Variants in C3orf52 observed in about 807,000 individuals in gnomAD.
C3orf52 encodes chromosome 3 open reading frame 52.
In C3orf52, 22 loss-of-function variants were observed where a neutral mutation model predicts 24.8. The ratio of observed to expected loss-of-function variants is 0.89; its 90% CI spans 0.63 to 1.27. The LOEUF (loss-of-function observed/expected upper bound fraction) is 1.27, where lower values mean the gene tolerates loss of function less well. Ranked by LOEUF, C3orf52 falls within the 50% of genes most tolerant of loss-of-function variation. The pLI is 0.00. For missense variants in C3orf52, 265 were observed against 260.7 expected (o/e 1.02, Z -0.11); for synonymous variants, 93 against 100.2 (o/e 0.93, Z 0.43).
chr3:112,134,584 A>C (rs534673948), downstream of C3orf52: 68 of 152,340 alleles, frequency 4.5e-4, no homozygotes, highest in African/African-American at 1.6e-3. Flanking sequence ...GCAATTTCTT[A>C]TAAAATTGAA....
intron 4 of C3orf52, among the ~76,000 whole-genome samples, chr3:112,126,705 G>A (rs2074328006): frequency 6.6e-6 from 1 of 152,086 alleles, no homozygotes; most frequent in African/African-American, 2.4e-5. Flanking sequence ...TTTCTTGTAA[G>A]TGCCTTTCTC....
chr3:112,104,742 C>T (rs930134588), intron 3 of C3orf52, among the ~76,000 whole-genome samples: 3 of 152,020 alleles, frequency 2.0e-5, no homozygotes, highest in East Asian at 1.9e-4. Context: ...ACCCATTACC[C>T]GAGCAGTGTA....
At chr3:112,116,115 C>T (rs965762433) in intron 5 of C3orf52, among the ~76,000 whole-genome samples, 2 of 151,980 alleles carry the variant, frequency 1.3e-5, no homozygotes, top group African/African-American at 4.8e-5. Flanking sequence ...AGGAAAAAGC[C>T]CCAGGTAGGG....
downstream of C3orf52, chr3:112,122,006 T>TGGG (rs2074210293): frequency 6.6e-6 from 1 of 152,214 alleles, no homozygotes; most frequent in Admixed American, 6.5e-5. Context: ...TCCCTAAAAT[T>TGGG]AGGACAGTAG....
At chr3:112,115,226 G>C (rs563531668) in intron 5 of C3orf52, among the ~76,000 whole-genome samples, 6 of 152,310 alleles carry the variant, frequency 3.9e-5, no homozygotes, top group Admixed American at 3.9e-4. Context: ...CCCTCTCAAA[G>C]GGAAGGGTGC....
chr3:112,101,696 G>C (rs954485498), intron 2 of C3orf52, among the ~76,000 whole-genome samples: 1 of 152,260 alleles, frequency 6.6e-6, no homozygotes, highest in Non-Finnish European at 1.5e-5. Context: ...ATAAGTAACC[G>C]GAATACCAGG....
intron 1 of C3orf52, among the ~76,000 whole-genome samples, chr3:112,092,157 A>G (rs2073884516): frequency 6.6e-6 from 1 of 152,152 alleles, no homozygotes; most frequent in African/African-American, 2.4e-5. Context: ...CCTTTGGCCG[A>G]ACTCCCAATA....
downstream of C3orf52, chr3:112,121,397 T>C (rs2107795352): frequency 6.6e-6 from 1 of 152,350 alleles, no homozygotes; most frequent in South Asian, 2.1e-4. Flanking sequence ...CTCTATGCTC[T>C]TTGATATCAT....
At chr3:112,104,848 T>A (rs1376869838) in intron 3 of C3orf52, among the ~76,000 whole-genome samples, 1 of 152,140 alleles carries the variant, frequency 6.6e-6, no homozygotes, top group Non-Finnish European at 1.5e-5. Flanking sequence ...CTTCACCTCC[T>A]TTTCTCCTTT....
At chr3:112,092,139 A>T (rs904402787) in intron 1 of C3orf52, among the ~76,000 whole-genome samples, 6 of 152,304 alleles carry the variant, frequency 3.9e-5, no homozygotes, top group Non-Finnish European at 7.4e-5. Context: ...ACTGAGGCGC[A>T]GTTGCACCCT....
At chr3:112,106,653 A>G (rs1426731870) in intron 3 of C3orf52, among the ~76,000 whole-genome samples, 1 of 152,188 alleles carries the variant, frequency 6.6e-6, no homozygotes, top group Non-Finnish European at 1.5e-5. Flanking sequence ...TGGGGCAGAG[A>G]CTAAACAGTA....
intron 5 of C3orf52, among the ~76,000 whole-genome samples, chr3:112,115,962 T>A (rs2074130024): frequency 6.6e-6 from 1 of 152,184 alleles, no homozygotes; most frequent in Admixed American, 6.5e-5. Context: ...GAAGTCTGTT[T>A]TACAAAGGTC....
At chr3:112,113,884 C>T (rs1044141520) in intron 5 of C3orf52, among the ~76,000 whole-genome samples, 4 of 152,170 alleles carry the variant, frequency 2.6e-5, no homozygotes, top group African/African-American at 9.7e-5. Context: ...AAGCTCTGGC[C>T]TTTGCTGCTG....
At chr3:112,093,900 T>G (rs764172154) in intron 2 of C3orf52, among the ~76,000 whole-genome samples, 6 of 152,340 alleles carry the variant, frequency 3.9e-5, no homozygotes, top group Non-Finnish European at 7.3e-5. Flanking sequence ...TATATTACTA[T>G]GATGATAAAA....
chr3:112,108,495 C>T (rs1007012941), intron 3 of C3orf52, among the ~76,000 whole-genome samples: 1 of 152,268 alleles, frequency 6.6e-6, no homozygotes, highest in Non-Finnish European at 1.5e-5. Context: ...GAAACTCCCG[C>T]ATGTCCAAGA....
At chr3:112,135,110 A>G (rs1576178953), downstream of C3orf52, 1 of 154,978 alleles carries the variant, frequency 6.5e-6, no homozygotes, top group African/African-American at 2.4e-5. Context: ...TTCACTGCAC[A>G]TAAATGAATC....
At chr3:112,090,699 C>T (rs1433185559) in intron 1 of C3orf52, among the ~76,000 whole-genome samples, 1 of 151,954 alleles carries the variant, frequency 6.6e-6, no homozygotes, top group Middle Eastern at 3.2e-3. Flanking sequence ...CACCAGAGTC[C>T]TAATTTGTGA....
At chr3:112,128,145 G>T in intron 4 of C3orf52, 3 of 1,307,524 alleles carry the variant, frequency 2.3e-6, no homozygotes, top group Non-Finnish European at 3.3e-6. Flanking sequence ...TGCCATTTCT[G>T]TGGAAAACTT....
intron 5 of C3orf52, among the ~76,000 whole-genome samples, chr3:112,114,529 C>T (rs2074116513): frequency 6.6e-6 from 1 of 151,924 alleles, no homozygotes; most frequent in South Asian, 2.1e-4. Flanking sequence ...CATGGTGAAA[C>T]CCCATCTCTA....
Sources: gnomAD v4.1 joint callset for allele counts (sites outside exome capture counted in the v4.1 genomes callset) on GRCh38, gnomAD v4.1.1 for gene constraint, MANE v1.5 for transcripts, NCBI Gene and HGNC (gene_info 2026-07-23, HGNC 2026-07-21) for gene names.